PRMT3: variants seen among roughly 807,000 people sequenced by gnomAD.
PRMT3 encodes protein arginine N-methyltransferase 3.
A neutral mutation model predicts 71.9 loss-of-function variants in PRMT3; 62 were observed. The observed-to-expected ratio is 0.86, with a 90% CI of 0.70 to 1.07. The LOEUF is 1.07. Among genes scored for constraint, PRMT3 ranks in the 50% least tolerant of loss-of-function variants. The pLI is 0.00. For missense variants in PRMT3, 663 were observed against 643.0 expected, an observed-to-expected ratio of 1.03 and a Z score of -0.34; for synonymous variants, 213 against 220.4, an observed-to-expected ratio of 0.97 and a Z score of 0.30.
chr11:20,418,941 C>T (rs569976911), intron 9 of PRMT3, among the ~76,000 whole-genome samples: 1 of 152,286 alleles, frequency 6.6e-6, no homozygotes, highest in South Asian at 2.1e-4. Context: ...CAGAATCCCA[C>T]CCACCTCCAC....
intron 3 of PRMT3, among the ~76,000 whole-genome samples, chr11:20,390,794 C>A (rs992978870): frequency 6.6e-6 from 1 of 152,098 alleles, no homozygotes; most frequent in Non-Finnish European, 1.5e-5. Flanking sequence ...CCTGGCTAAC[C>A]CAGTGAAAAC....
chr11:20,404,220 T>TGTTTTGTTTTG (rs768771887), intron 8 of PRMT3, among the ~76,000 whole-genome samples: 1,138 of 20,096 alleles, frequency 0.057, 52 homozygotes, highest in African/African-American at 0.13. Context: ...AGTTTTTTTT[T>TGTTTTGTTTTG]TTTTTTTTTT....
At chr11:20,499,340 G>T (rs1463765728) in intron 15 of PRMT3, among the ~76,000 whole-genome samples, 1 of 152,170 alleles carries the variant, frequency 6.6e-6, no homozygotes, top group Non-Finnish European at 1.5e-5. Flanking sequence ...AGAAGATAGG[G>T]GCCAGGCGTG....
chr11:20,448,364 T>C (rs1383939603), intron 10 of PRMT3, among the ~76,000 whole-genome samples: 2 of 152,182 alleles, frequency 1.3e-5, no homozygotes, highest in Non-Finnish European at 2.9e-5. Context: ...CTACAGTGAA[T>C]GTTACAGAAT....
intron 7 of PRMT3, among the ~76,000 whole-genome samples, chr11:20,402,042 C>A (rs2133312117): frequency 6.6e-6 from 1 of 152,190 alleles, no homozygotes; most frequent in South Asian, 2.1e-4. Flanking sequence ...GAAACGTATC[C>A]AGTTTAGTGT....
intron 13 of PRMT3, among the ~76,000 whole-genome samples, chr11:20,478,843 C>G (rs1375054006): frequency 6.6e-6 from 1 of 152,204 alleles, no homozygotes; most frequent in Admixed American, 6.5e-5. Context: ...AAATCTCTGA[C>G]AGCAGAATCC....
intron 9 of PRMT3, among the ~76,000 whole-genome samples, chr11:20,417,771 CTG>C (rs1473584061): frequency 1.8e-5 from 1 of 56,068 alleles, no homozygotes; most frequent in Non-Finnish European, 4.2e-5. Context: ...CTCTCTCTCT[CTG>C]TCACACACAC....
At chr11:20,456,775 C>CAATTTGGAATTGGATA (rs1555016980) in intron 11 of PRMT3, among the ~76,000 whole-genome samples, 5 of 152,240 alleles carry the variant, frequency 3.3e-5, no homozygotes, top group African/African-American at 7.2e-5. Flanking sequence ...ATGAATTTAT[C>CAATTTGGAATTGGATA]AATTTGGAAT....
At chr11:20,473,983 T>G (rs1332350798) in intron 13 of PRMT3, among the ~76,000 whole-genome samples, 1 of 152,160 alleles carries the variant, frequency 6.6e-6, no homozygotes, top group Non-Finnish European at 1.5e-5. Flanking sequence ...CCTCAGTTTT[T>G]CCCATACCAA....
intron 11 of PRMT3, among the ~76,000 whole-genome samples, chr11:20,453,608 A>T (rs1432501487): frequency 6.6e-6 from 1 of 151,994 alleles, no homozygotes; most frequent in Non-Finnish European, 1.5e-5. Context: ...CCATTTTATC[A>T]CTTTATTTTC....
chr11:20,397,452 A>G, intron 6 of PRMT3, 125 bp from the exon 7 acceptor site: 1 of 912,584 alleles, frequency 1.1e-6, no homozygotes. Flanking sequence ...TGTTCAAGAT[A>G]GAATGTGATT....
intron 9 of PRMT3, among the ~76,000 whole-genome samples, chr11:20,426,086 A>G (rs73447083): frequency 0.067 from 10,206 of 152,280 alleles, 1,083 homozygotes; most frequent in African/African-American, 0.23. Flanking sequence ...CTTATGATCA[A>G]GTGTATAAGA....
At chr11:20,460,136 C>T (rs1376078836) in intron 11 of PRMT3, among the ~76,000 whole-genome samples, 1 of 152,094 alleles carries the variant, frequency 6.6e-6, no homozygotes, top group East Asian at 1.9e-4. Flanking sequence ...TTTAGTGCTG[C>T]TGTCATTGAA....
chr11:20,393,556 C>T lies in PRMT3; in HGVS notation c.400+557C>T, dbSNP rs190336054. 4.9e-4 allele frequency among the ~76,000 whole-genome samples: 75 copies of T among 152,068 alleles called. 1 individual carries two copies. The East Asian group carries it at 7.2e-3, about 15-fold the overall frequency. Reference sequence around the variant, plus strand: ...GCCTTTGCAGTAATTCTTCTCTGCCCGAAAGAAGTATCCAGGTGATTTGAA... The same window carrying T: ...GCCTTTGCAGTAATTCTTCTCTGCCTGAAAGAAGTATCCAGGTGATTTGAA... On this transcript the variant is annotated intron_variant, in intron 5 of 15. Coordinates refer to ENST00000331079, the MANE Select transcript of PRMT3 (RefSeq NM_005788.4).
chr11:20,465,575 T>G (rs972123523), intron 13 of PRMT3, among the ~76,000 whole-genome samples: 2 of 152,030 alleles, frequency 1.3e-5, no homozygotes, highest in African/African-American at 2.4e-5. Context: ...ATTCAGTGAT[T>G]ATTTTATATC....
chr11:20,459,503 A>G (rs1368165687), intron 11 of PRMT3, among the ~76,000 whole-genome samples: 2 of 152,138 alleles, frequency 1.3e-5, no homozygotes, highest in African/African-American at 4.8e-5. Context: ...TTGTTTATAT[A>G]TTGTCCATGC....
intron 9 of PRMT3, among the ~76,000 whole-genome samples, chr11:20,421,817 C>T (rs971750866): frequency 6.6e-6 from 1 of 152,134 alleles, no homozygotes; most frequent in Non-Finnish European, 1.5e-5. Flanking sequence ...GAGATAGTGC[C>T]TCCTGAATAT....
chr11:20,391,787 T>A (rs1848721698), intron 3 of PRMT3, among the ~76,000 whole-genome samples: 1 of 152,216 alleles, frequency 6.6e-6, no homozygotes, highest in African/African-American at 2.4e-5. Flanking sequence ...TTGCATCATT[T>A]AACTTCATGT....
At chr11:20,494,016 C>A in intron 14 of PRMT3, 47 bp downstream of exon 14, 1 of 1,488,658 alleles carries the variant, frequency 6.7e-7, no homozygotes. Flanking sequence ...TACAGAAGTA[C>A]ATTATATTTT....
Sources: gnomAD v4.1 joint callset for allele counts (sites outside exome capture counted in the v4.1 genomes callset) on GRCh38, gnomAD v4.1.1 for gene constraint, MANE v1.5 for transcripts, NCBI Gene and HGNC (gene_info 2026-07-23, HGNC 2026-07-21) for gene names.